EMSY: variants seen among roughly 807,000 people sequenced by gnomAD.
EMSY encodes the protein BRCA2-interacting transcriptional repressor EMSY.
EMSY carries 26 observed loss-of-function variants against 134.6 expected under a neutral mutation model. The observed-to-expected ratio is 0.19, with a 90% CI of 0.14 to 0.27. EMSY has a LOEUF of 0.27. EMSY is among the 10% of genes least tolerant of loss of function. EMSY has a pLI of 1.00. For missense variants in EMSY, 1,305 were observed against 1,611.4 expected, an observed-to-expected ratio of 0.81 and a Z score of 3.26; for synonymous variants, 579 against 577.8, an observed-to-expected ratio of 1.00 and a Z score of -0.03.
At chr11:76,513,125 A>G (rs139190639) in intron 9 of EMSY, among the ~76,000 whole-genome samples, 2 of 152,298 alleles carry the variant, frequency 1.3e-5, no homozygotes, top group Admixed American at 6.5e-5. Flanking sequence ...AAGCTCTTGT[A>G]TAACACAATC....
chr11:76,497,261 A>G (rs1228669624), intron 9 of EMSY: 1 of 152,258 alleles, frequency 6.6e-6, no homozygotes, highest in East Asian at 1.9e-4. Context: ...TTAAAAATAC[A>G]TTGCTGGATT....
At chr11:76,527,446 A>C (rs1376983467) in intron 13 of EMSY, among the ~76,000 whole-genome samples, 1 of 152,166 alleles carries the variant, frequency 6.6e-6, no homozygotes, top group Non-Finnish European at 1.5e-5. Flanking sequence ...GGAAATGGGT[A>C]ACTTAACAGA....
chr11:76,540,843 A>T (rs939744460), intron 17 of EMSY, among the ~76,000 whole-genome samples: 1 of 152,162 alleles, frequency 6.6e-6, no homozygotes, highest in Admixed American at 6.5e-5. Flanking sequence ...TAATTTACAG[A>T]TATATTGTAT....
rs762437072 is a variant in EMSY at position 76,545,648 on chromosome 11, A to G, written c.3274-149A>G. 7 of 1,001,058 alleles carry G rather than the reference A, an allele frequency of 7.0e-6. No individual in the cohort carries two copies. In the East Asian group the frequency reaches 1.8e-4, roughly 25 times the overall value. The allele number at this position is 1,001,058 out of a possible 1,614,324, so 62.0% of individuals were successfully genotyped here. A position where few individuals can be genotyped will look rare whatever the true frequency, so the allele number is the denominator to read the frequency against. On this transcript the variant is annotated intron_variant, in intron 19 of 20. Coordinates refer to ENST00000334736, the Ensembl canonical transcript of EMSY. ...TTGTAAAAGTAACCAGATCCTTCCTATCCAGCCCTCTTTTTAAAACAGCAA... is the reference window on the plus strand; with the variant it reads ...TTGTAAAAGTAACCAGATCCTTCCTGTCCAGCCCTCTTTTTAAAACAGCAA...
At chr11:76,446,267 G>C (rs568821038) in intron 1 of EMSY, among the ~76,000 whole-genome samples, 388 of 150,208 alleles carry the variant, frequency 2.6e-3, no homozygotes, top group African/African-American at 9.2e-3. Context: ...ATAACTACAG[G>C]ATCAAAATTC....
intron 8 of EMSY, among the ~76,000 whole-genome samples, chr11:76,495,419 A>G (rs1202915565): frequency 6.6e-6 from 1 of 152,228 alleles, no homozygotes; most frequent in African/African-American, 2.4e-5. Flanking sequence ...GATAGATAAT[A>G]GTCCTTTTAG....
chr11:76,458,194 C>G (rs764112781), exon 5 of EMSY: 1 of 1,612,934 alleles, frequency 6.2e-7, no homozygotes, highest in South Asian at 1.1e-5. Flanking sequence ...ATGTCTGGAC[C>G]TAATAGCTCT....
chr11:76,458,401 G>T, intron 5 of EMSY, 43 bp downstream of exon 6: 5 of 1,474,102 alleles, frequency 3.4e-6, no homozygotes, highest in Non-Finnish European at 4.5e-6. Context: ...ACTTTTCTTA[G>T]AATCTTCAAG....
intron 4 of EMSY, among the ~76,000 whole-genome samples, 179 bp downstream of exon 5, chr11:76,454,969 G>A (rs1197696956): frequency 6.6e-6 from 1 of 152,012 alleles, no homozygotes; most frequent in East Asian, 1.9e-4. Flanking sequence ...TGCTGCTTGG[G>A]AGTACCTCTA....
chr11:76,450,666 A>ATTTTTTG (rs1417949370), intron 2 of EMSY, among the ~76,000 whole-genome samples: 1 of 150,728 alleles, frequency 6.6e-6, no homozygotes, highest in Non-Finnish European at 1.5e-5. Flanking sequence ...TGATTTTTAA[A>ATTTTTTG]TTTTTTGTAG....
chr11:76,522,602 C>A (rs1950688562), intron 11 of EMSY, among the ~76,000 whole-genome samples: 1 of 152,042 alleles, frequency 6.6e-6, no homozygotes, highest in Non-Finnish European at 1.5e-5. Context: ...CTCTGGTGAT[C>A]TGCCTGCGTC....
intron 16 of EMSY, among the ~76,000 whole-genome samples, 192 bp from the exon 18 acceptor site, chr11:76,539,407 T>C (rs1017910265): frequency 4.6e-5 from 7 of 152,152 alleles, no homozygotes; most frequent in East Asian, 1.9e-4. Context: ...TGGGTTAAAA[T>C]TGCCAAAGGG....
chr11:76,519,226 G>A (rs987177696), intron 11 of EMSY, among the ~76,000 whole-genome samples: 6 of 151,646 alleles, frequency 4.0e-5, no homozygotes, highest in Non-Finnish European at 8.8e-5. Context: ...CACCACGCTC[G>A]GCTAATTTTT....
chr11:76,467,027 A>G (rs964516030), intron 7 of EMSY, among the ~76,000 whole-genome samples: 10 of 152,238 alleles, frequency 6.6e-5, no homozygotes, highest in African/African-American at 2.2e-4. Context: ...AGCTGTTCCA[A>G]ATAAATGAAT....
chr11:76,481,130 G>C (rs1199083075), intron 8 of EMSY, among the ~76,000 whole-genome samples: 1 of 152,128 alleles, frequency 6.6e-6, no homozygotes, highest in Non-Finnish European at 1.5e-5. Flanking sequence ...TGCAAGCTCT[G>C]CCTCCCGGGT....
chr11:76,544,176 TA>T, intron 18 of EMSY, 82 bp from the exon 20 acceptor site: 1 of 1,369,396 alleles, frequency 7.3e-7, no homozygotes. Context: ...GTGAATCTCG[TA>T]AGTCTTTTTC....
chr11:76,476,652 T>A (rs1191522647), intron 8 of EMSY, among the ~76,000 whole-genome samples: 1 of 152,186 alleles, frequency 6.6e-6, no homozygotes, highest in African/African-American at 2.4e-5. Context: ...AGCCTCTTAG[T>A]TGGTTTCTAA....
At chr11:76,460,181 C>A in intron 6 of EMSY, 96 bp downstream of exon 7, 1 of 1,400,108 alleles carries the variant, frequency 7.1e-7, no homozygotes, top group Non-Finnish European at 1.0e-6. Context: ...ATCATTGGTC[C>A]ACTAGCTGTT....
intron 4 of EMSY, chr11:76,453,997 G>T (rs990361762): frequency 6.6e-6 from 1 of 152,080 alleles, no homozygotes; most frequent in African/African-American, 2.4e-5. Context: ...TGAGGGCAGG[G>T]ATTAAGCCTT....
Sources: gnomAD v4.1 joint callset for allele counts (sites outside exome capture counted in the v4.1 genomes callset) on GRCh38, gnomAD v4.1.1 for gene constraint, MANE v1.5 for transcripts, NCBI Gene and HGNC (gene_info 2026-07-23, HGNC 2026-07-21) for gene names.